DDX4: variants seen among roughly 807,000 people sequenced by gnomAD.
DDX4 encodes probable ATP-dependent RNA helicase DDX4.
A neutral mutation model predicts 100.0 loss-of-function variants in DDX4; 25 were observed. That is an observed-to-expected ratio of 0.25 (90% CI 0.18 to 0.35). DDX4 has a LOEUF of 0.35. Ranked by LOEUF, DDX4 falls within the 10% of genes least tolerant of loss-of-function variation. The pLI is 1.00. For missense variants in DDX4, 635 were observed against 882.4 expected, an observed-to-expected ratio of 0.72 and a Z score of 3.55; for synonymous variants, 259 against 275.7, an observed-to-expected ratio of 0.94 and a Z score of 0.60.
In DDX4 at chr5:55,792,643, T is replaced by G. The variant is rs780884869; in HGVS notation, c.1305T>G (p.Ile435Met). Reference protein sequence around the residue: ...RLMDIIGKEKIGLKQIKYLVL... With the variant: ...RLMDIIGKEKMGLKQIKYLVL... ...TACCTTTGAAAATATCCTTAAAGAT[T>G]GGTCTCAAACAGATCAAATACTTAG... The change falls in exon 17 of 22, where the codon ATT (isoleucine) becomes ATG (methionine). Residue 435 changes from isoleucine (I) to methionine (M), a missense_variant and splice_region_variant. Ile to Met is a conservative substitution (Grantham distance 10). Around this residue, in one of 4 missense-constraint regions of DDX4, gnomAD observed 446 missense variants for 540.8 expected, o/e 0.82. Transcript: ENST00000505374. 1 of 1,515,502 alleles carries G rather than the reference T, an allele frequency of 6.6e-7. No homozygotes were observed. The highest frequency in any genetic ancestry group is 1.3e-5 in the South Asian group (1 of 77,470). 93.9% of individuals were successfully genotyped at this position (1,515,502 alleles called of 1,614,324 possible).
At chr5:55,742,968 G>A (rs1759061495) in intron 2 of DDX4, among the ~76,000 whole-genome samples, 2 of 152,132 alleles carry the variant, frequency 1.3e-5, no homozygotes, top group South Asian at 4.1e-4. Context: ...GTCCCAGCAG[G>A]ACATCAGGTG....
intron 10 of DDX4, among the ~76,000 whole-genome samples, chr5:55,782,645 A>G (rs1225820467): frequency 6.6e-6 from 1 of 152,100 alleles, no homozygotes; most frequent in African/African-American, 2.4e-5. Flanking sequence ...AATAATAATC[A>G]TGAAATGAGA....
At chr5:55,771,251 A>T (rs936724425) in intron 7 of DDX4, among the ~76,000 whole-genome samples, 4 of 152,198 alleles carry the variant, frequency 2.6e-5, no homozygotes, top group African/African-American at 9.7e-5. Flanking sequence ...GTCATGAAAT[A>T]CAAATTACTG....
intron 3 of DDX4, among the ~76,000 whole-genome samples, chr5:55,746,462 G>A (rs1759253935): frequency 6.6e-6 from 1 of 152,144 alleles, no homozygotes; most frequent in African/African-American, 2.4e-5. Flanking sequence ...GCCTAACTTG[G>A]AAGTTGCACA....
chr5:55,746,084 A>G (rs1204126849), intron 2 of DDX4, 80 bp from the exon 3 acceptor site: 2 of 1,109,238 alleles, frequency 1.8e-6, no homozygotes, highest in Non-Finnish European at 2.6e-6. Flanking sequence ...CAATTGTTAT[A>G]ATTTTCTAGT....
intron 18 of DDX4, among the ~76,000 whole-genome samples, chr5:55,805,018 C>A (rs1401984778): frequency 6.6e-6 from 1 of 151,844 alleles, no homozygotes; most frequent in African/African-American, 2.4e-5. Context: ...ATTTGTAGTT[C>A]TCCTTGAAGA....
At chr5:55,765,737 G>A (rs1015146475) in intron 6 of DDX4, among the ~76,000 whole-genome samples, 34 of 152,076 alleles carry the variant, frequency 2.2e-4, no homozygotes, top group African/African-American at 8.0e-4. Context: ...CAAGGTTTTT[G>A]TGAAACTTTA....
At chr5:55,750,294 G>C (rs189415125) in intron 3 of DDX4, 1 of 155,258 alleles carries the variant, frequency 6.4e-6, no homozygotes, top group East Asian at 1.9e-4. Context: ...TTTTCTCCTT[G>C]ATCTTATTGG....
chr5:55,810,115 T>G (rs1744035190), intron 18 of DDX4, among the ~76,000 whole-genome samples: 1 of 152,130 alleles, frequency 6.6e-6, no homozygotes, highest in South Asian at 2.1e-4. Flanking sequence ...TTTTTTTTCT[T>G]TTTTTGGAGA....
intron 2 of DDX4, among the ~76,000 whole-genome samples, chr5:55,743,254 A>G (rs900711838): frequency 6.6e-6 from 1 of 152,078 alleles, no homozygotes; most frequent in Non-Finnish European, 1.5e-5. Flanking sequence ...TTGTGGCTGC[A>G]TATCTCTTAG....
chr5:55,795,421 ATT>A (rs910319229), intron 17 of DDX4, among the ~76,000 whole-genome samples: 11 of 152,194 alleles, frequency 7.2e-5, no homozygotes, highest in African/African-American at 2.4e-4. Context: ...TAAAGCCAGA[ATT>A]GTTTGAATCG....
At chr5:55,748,556 A>C (rs1187352538) in intron 3 of DDX4, among the ~76,000 whole-genome samples, 2 of 152,176 alleles carry the variant, frequency 1.3e-5, no homozygotes, top group African/African-American at 4.8e-5. Flanking sequence ...TGAAATCATT[A>C]ATGAAAATCA....
At position 55,749,792 on chromosome 5, in the gene DDX4, C is replaced by G. The variant is rs978097914; in HGVS notation, c.127+3571C>G. On this transcript the variant is annotated intron_variant, in intron 3 of 21. Transcript: ENST00000505374. ...CCTCCCCTTCCCCAAAGGAGCAATTCTTTTGTATGTGTGTGTCTTTTTTTT... is the reference window on the plus strand; with the variant it reads ...CCTCCCCTTCCCCAAAGGAGCAATTGTTTTGTATGTGTGTGTCTTTTTTTT... Among the ~76,000 whole-genome samples, 3 of 143,366 alleles carry G rather than the reference C, an allele frequency of 2.1e-5. 1 individual carries two copies. The Admixed American group carries it at 2.1e-4, about 10-fold the overall frequency. 94.1% of individuals were successfully genotyped at this position (143,366 alleles called of 152,430 possible).
intron 7 of DDX4, among the ~76,000 whole-genome samples, chr5:55,768,944 C>T (rs1352201502): frequency 6.6e-6 from 1 of 152,154 alleles, no homozygotes; most frequent in African/African-American, 2.4e-5. Context: ...TGCCCATGTC[C>T]ATTGTCCACT....
intron 18 of DDX4, among the ~76,000 whole-genome samples, chr5:55,803,079 C>T (rs976041740): frequency 3.3e-5 from 5 of 150,744 alleles, no homozygotes; most frequent in Non-Finnish European, 5.9e-5. Context: ...GGTATATCTC[C>T]TAATGCCATC....
chr5:55,746,695 A>G (rs1347180467), intron 3 of DDX4, among the ~76,000 whole-genome samples: 2 of 152,190 alleles, frequency 1.3e-5, no homozygotes, highest in Admixed American at 6.5e-5. Context: ...AAACGTGTCA[A>G]GGTAAAGGAA....
chr5:55,780,285 T>G (rs1404723349), intron 8 of DDX4, among the ~76,000 whole-genome samples: 1 of 152,190 alleles, frequency 6.6e-6, no homozygotes, highest in Non-Finnish European at 1.5e-5. Context: ...AAAATAAGTT[T>G]GAGTGACTCA....
intron 3 of DDX4, among the ~76,000 whole-genome samples, chr5:55,749,048 G>A (rs933808767): frequency 8.5e-5 from 13 of 152,098 alleles, no homozygotes; most frequent in Non-Finnish European, 1.6e-4. Flanking sequence ...TAATAGTCAT[G>A]GAAACCCTTC....
chr5:55,809,392 C>T (rs564550499), intron 18 of DDX4, among the ~76,000 whole-genome samples: 14 of 152,134 alleles, frequency 9.2e-5, no homozygotes, highest in Non-Finnish European at 1.9e-4. Context: ...AGAAATCAGC[C>T]GTCTTCTGCG....
Sources: gnomAD v4.1 joint callset for allele counts (sites outside exome capture counted in the v4.1 genomes callset) on GRCh38, gnomAD v4.1.1 for gene constraint, gnomAD v4.1.1 regional missense constraint, MANE v1.5 for transcripts, NCBI Gene and HGNC (gene_info 2026-07-23, HGNC 2026-07-21) for gene names.